Variants in CNTNAP2 observed in about 807,000 individuals in gnomAD.
CNTNAP2 encodes contactin associated protein 2.
In CNTNAP2, 98 loss-of-function variants were observed where a neutral mutation model predicts 155.2. That is an observed-to-expected ratio of 0.63 (90% CI 0.54 to 0.75). CNTNAP2 has a LOEUF of 0.75. Ranked by LOEUF, CNTNAP2 falls within the 30% of genes least tolerant of loss-of-function variation. The pLI is 0.00. For missense variants in CNTNAP2, 1,727 were observed against 1,688.1 expected (o/e 1.02, Z -0.40); for synonymous variants, 651 against 631.2 (o/e 1.03, Z -0.47).
intron 1 of CNTNAP2, among the ~76,000 whole-genome samples, chr7:146,603,324 A>G (rs1363278173): frequency 6.6e-6 from 1 of 150,674 alleles, no homozygotes; most frequent in Non-Finnish European, 1.5e-5. Context: ...AGGCAGGAGA[A>G]TGGTGTGAAC....
At chr7:147,100,952 A>G (rs1362935134) in intron 4 of CNTNAP2, among the ~76,000 whole-genome samples, 2 of 152,224 alleles carry the variant, frequency 1.3e-5, no homozygotes, top group African/African-American at 4.8e-5. Flanking sequence ...CTAGGGGACA[A>G]TAGACCAAGG....
intron 8 of CNTNAP2, among the ~76,000 whole-genome samples, chr7:147,181,193 C>CT (rs1802449333): frequency 6.6e-6 from 1 of 152,024 alleles, no homozygotes; most frequent in Non-Finnish European, 1.5e-5. Flanking sequence ...ATAGTTTGAG[C>CT]TGGGGGGACA....
At chr7:147,560,728 T>G (rs1800047316) in intron 11 of CNTNAP2, among the ~76,000 whole-genome samples, 2 of 151,032 alleles carry the variant, frequency 1.3e-5, no homozygotes, top group South Asian at 4.2e-4. Flanking sequence ...CCTCAATAAC[T>G]ATGTGCAAAG....
chr7:146,821,637 C>G (rs971377855), intron 2 of CNTNAP2, among the ~76,000 whole-genome samples: 2 of 152,026 alleles, frequency 1.3e-5, no homozygotes, highest in African/African-American at 4.8e-5. Context: ...AAAAAACAAA[C>G]AACCCCATCA....
chr7:147,756,991 A>G (rs751591029), intron 13 of CNTNAP2, among the ~76,000 whole-genome samples: 1 of 152,242 alleles, frequency 6.6e-6, no homozygotes. Context: ...TAGTTGTAGC[A>G]TGAAAACAAG....
At chr7:147,613,668 C>G (rs1801229830) in intron 12 of CNTNAP2, among the ~76,000 whole-genome samples, 1 of 151,922 alleles carries the variant, frequency 6.6e-6, no homozygotes. Flanking sequence ...ATGATGAAAC[C>G]CCGTCTCTAC....
intron 13 of CNTNAP2, among the ~76,000 whole-genome samples, chr7:147,824,467 A>G (rs1798414575): frequency 6.6e-6 from 1 of 152,154 alleles, no homozygotes; most frequent in South Asian, 2.1e-4. Flanking sequence ...GAATTTCCCC[A>G]TAGTTAACAG....
intron 3 of CNTNAP2, among the ~76,000 whole-genome samples, chr7:147,011,608 A>T (rs939671713): frequency 1.3e-5 from 2 of 150,316 alleles, no homozygotes; most frequent in Admixed American, 6.6e-5. Context: ...CCTCGGAAGC[A>T]AAGTTTATCT....
chr7:147,515,974 A>T (rs1287223759), intron 11 of CNTNAP2, among the ~76,000 whole-genome samples: 3 of 145,044 alleles, frequency 2.1e-5, no homozygotes, highest in Non-Finnish European at 4.8e-5. Context: ...GAAAGGTAAA[A>T]ACCAAAGTAA....
intron 21 of CNTNAP2, among the ~76,000 whole-genome samples, chr7:148,277,863 A>G (rs1374083024): frequency 6.7e-6 from 1 of 150,110 alleles, no homozygotes; most frequent in Non-Finnish European, 1.5e-5. Flanking sequence ...AAATAGCTCC[A>G]AAACTCAATT....
At chr7:147,735,471 T>C (rs1796825199) in intron 13 of CNTNAP2, among the ~76,000 whole-genome samples, 1 of 152,128 alleles carries the variant, frequency 6.6e-6, no homozygotes, top group Non-Finnish European at 1.5e-5. Context: ...GTAAGTGCAG[T>C]GTGGTGCTGA....
chr7:148,112,612 C>T (rs938331633), intron 15 of CNTNAP2, among the ~76,000 whole-genome samples: 1 of 151,940 alleles, frequency 6.6e-6, no homozygotes, highest in African/African-American at 2.4e-5. Context: ...CCAGGCTGGT[C>T]TTGAACTCCT....
chr7:148,227,138 G>T (rs1795867697), intron 19 of CNTNAP2, among the ~76,000 whole-genome samples: 1 of 152,198 alleles, frequency 6.6e-6, no homozygotes, highest in Non-Finnish European at 1.5e-5. Context: ...GGAAAAACAG[G>T]TAGAGAAGGA....
At chr7:147,103,122 G>A (rs1243214488) in intron 4 of CNTNAP2, among the ~76,000 whole-genome samples, 3 of 152,118 alleles carry the variant, frequency 2.0e-5, no homozygotes, top group Non-Finnish European at 2.9e-5. Flanking sequence ...AAATATGAGT[G>A]ACAACATTCA....
chr7:147,148,129 G>A (rs1000070007), intron 8 of CNTNAP2, among the ~76,000 whole-genome samples: 2 of 152,000 alleles, frequency 1.3e-5, no homozygotes, highest in Admixed American at 6.5e-5. Flanking sequence ...GGTGGCTCAC[G>A]CCTGTAATCC....
In CNTNAP2 at chr7:148,155,820, G is replaced by C. The variant is rs1412706025; in HGVS notation, c.2773+8111G>C. ...TAGTCAAGCTGAAGGCAAAGTTCAG[G>C]CCCTCTTGGTCAGTCTATACCAGCG... On this transcript the variant is annotated intron_variant, in intron 17 of 23. Coordinates refer to ENST00000361727, the MANE Select transcript of CNTNAP2 (RefSeq NM_014141.6). Among the ~76,000 whole-genome samples, 3 of 152,188 alleles carry C rather than the reference G, an allele frequency of 2.0e-5. No individual in the cohort carries two copies. The East Asian group carries it at 5.8e-4, about 29-fold the overall frequency.
intron 20 of CNTNAP2, 108 bp downstream of exon 20, chr7:148,229,887 G>A (rs1795928778): frequency 4.7e-6 from 6 of 1,283,204 alleles, no homozygotes; most frequent in Non-Finnish European, 6.6e-6. Flanking sequence ...TAGAAGAGAT[G>A]CTTTTTACAC....
chr7:147,486,193 A>C lies in CNTNAP2; in HGVS notation c.1777+152A>C, dbSNP rs952044587. ...TTCCAATTGTCATTTCTCCAAAAAAAAAAAAATAAAATACACTATTCTACT... is the reference window on the plus strand; with the variant it reads ...TTCCAATTGTCATTTCTCCAAAAAACAAAAAATAAAATACACTATTCTACT... On this transcript the variant is annotated intron_variant, in intron 11 of 23. Coordinates refer to ENST00000361727, the MANE Select transcript of CNTNAP2 (RefSeq NM_014141.6). 4.7e-6 allele frequency: 3 copies of C among 638,376 alleles called. No homozygotes were observed. The South Asian group carries it at 6.0e-5, about 13-fold the overall frequency. 39.5% of individuals were successfully genotyped at this position (638,376 alleles called of 1,614,324 possible). A position where few individuals can be genotyped will look rare whatever the true frequency, so the allele number is the denominator to read the frequency against.
intron 1 of CNTNAP2, among the ~76,000 whole-genome samples, chr7:146,676,479 G>C (rs760593679): frequency 6.6e-6 from 1 of 151,106 alleles, no homozygotes; most frequent in Non-Finnish European, 1.5e-5. Context: ...TTTCATTTTA[G>C]ATACCGGGAG....
Sources: gnomAD v4.1 joint callset for allele counts (sites outside exome capture counted in the v4.1 genomes callset) on GRCh38, gnomAD v4.1.1 for gene constraint, MANE v1.5 for transcripts, NCBI Gene and HGNC (gene_info 2026-07-23, HGNC 2026-07-21) for gene names.